ARID1B: variants seen among roughly 807,000 people sequenced by gnomAD.
ARID1B encodes the protein AT-rich interactive domain-containing protein 1B.
In ARID1B, 30 loss-of-function variants were observed where a neutral mutation model predicts 212.3. The observed-to-expected ratio is 0.14, with a 90% CI of 0.11 to 0.19. The LOEUF is 0.19. ARID1B is among the 10% of genes least tolerant of loss of function. The pLI, the probability that ARID1B is intolerant of heterozygous loss-of-function variation, is 1.00. For synonymous variants in ARID1B, 1,402 were observed against 1,301.7 expected (o/e 1.08, Z -1.66); for missense variants, 2,891 against 3,204.0 (o/e 0.90, Z 2.36).
intron 4 of ARID1B, among the ~76,000 whole-genome samples, chr6:157,039,416 C>T (rs1029662432): frequency 1.4e-5 from 2 of 145,144 alleles, no homozygotes; most frequent in Non-Finnish European, 3.0e-5. Context: ...CTGCAAGCTC[C>T]GCTTCCCGGG....
chr6:156,874,410 C>G (rs544040910), intron 2 of ARID1B, among the ~76,000 whole-genome samples: 1 of 152,294 alleles, frequency 6.6e-6, no homozygotes, highest in Admixed American at 6.5e-5. Context: ...CCCTGACTCT[C>G]CTGATTCCCC....
At chr6:156,956,566 C>T (rs1041561187) in intron 4 of ARID1B, among the ~76,000 whole-genome samples, 1 of 152,094 alleles carries the variant, frequency 6.6e-6, no homozygotes, top group African/African-American at 2.4e-5. Flanking sequence ...GCAGTTTCAG[C>T]TTGAGTTTGG....
chr6:156,990,240 C>G (rs1299693872), intron 4 of ARID1B, among the ~76,000 whole-genome samples: 2 of 149,304 alleles, frequency 1.3e-5, no homozygotes, highest in Non-Finnish European at 3.0e-5. Flanking sequence ...GTGGCAGCAT[C>G]ATAGCTCACT....
At chr6:156,971,923 T>C (rs577432013) in intron 4 of ARID1B, among the ~76,000 whole-genome samples, 1 of 152,296 alleles carries the variant, frequency 6.6e-6, no homozygotes, top group African/African-American at 2.4e-5. Context: ...GTAGGATTGC[T>C]ATCCCAACAC....
intron 4 of ARID1B, among the ~76,000 whole-genome samples, chr6:157,025,381 TG>T (rs1780594058): frequency 6.6e-6 from 1 of 152,232 alleles, no homozygotes; most frequent in African/African-American, 2.4e-5. Flanking sequence ...TGCATAACAA[TG>T]ATGTGTAAGG....
intron 15 of ARID1B, chr6:157,195,852 G>A: frequency 3.3e-6 from 1 of 305,502 alleles, no homozygotes; most frequent in Non-Finnish European, 6.2e-6. Flanking sequence ...CCTGAGGTCA[G>A]GAGTTCAAGA....
intron 1 of ARID1B, among the ~76,000 whole-genome samples, chr6:156,812,747 T>C (rs926477363): frequency 1.3e-5 from 2 of 151,986 alleles, no homozygotes; most frequent in African/African-American, 4.8e-5. Context: ...CTTCCACCTT[T>C]CAGTATCTCC....
intron 13 of ARID1B, among the ~76,000 whole-genome samples, chr6:157,187,736 AT>A (rs34547253): frequency 0.071 from 9,748 of 138,258 alleles, 775 homozygotes; most frequent in African/African-American, 0.2. Flanking sequence ...GGTTGCATTC[AT>A]TTTTTTTTTT....
chr6:156,987,394 G>A lies in ARID1B; in HGVS notation c.2247+51818G>A, dbSNP rs182873688. Among the ~76,000 whole-genome samples, 519 of 150,812 alleles carry A rather than the reference G, an allele frequency of 3.4e-3. 2 individuals are homozygous for A. Among genetic ancestry groups the A allele is most frequent in the African/African-American group, 0.012 (499 of 41,010 alleles). ...CTCCCAGGCTGGAGTGCAGTGGCAC[G>A]ATGTCCGCTCACTGCAAGCTCTGCC... On this transcript the variant is annotated intron_variant, in intron 4 of 19. Coordinates refer to ENST00000636930, the MANE Select transcript of ARID1B (RefSeq NM_001374828.1).
intron 3 of ARID1B, among the ~76,000 whole-genome samples, chr6:156,911,435 C>T (rs1166772798): frequency 7.1e-6 from 1 of 141,292 alleles, no homozygotes; most frequent in Non-Finnish European, 1.5e-5. Context: ...TCTTTTCCAT[C>T]AGTCACTCTT....
At chr6:156,897,258 CTTCTTCTTATTA>C (rs1276072733) in intron 2 of ARID1B, among the ~76,000 whole-genome samples, 15 of 87,178 alleles carry the variant, frequency 1.7e-4, no homozygotes, top group Non-Finnish European at 3.4e-4. Context: ...TCTTCTTCTT[CTTCTTCTTATTA>C]TTATTATTAT....
chr6:156,986,638 G>A (rs543770290), intron 4 of ARID1B, among the ~76,000 whole-genome samples: 1 of 152,296 alleles, frequency 6.6e-6, no homozygotes, highest in South Asian at 2.1e-4. Flanking sequence ...CCGGCTCATA[G>A]TAATTACTCA....
chr6:156,820,917 A>G (rs1484221977), intron 1 of ARID1B, among the ~76,000 whole-genome samples: 1 of 152,210 alleles, frequency 6.6e-6, no homozygotes, highest in Non-Finnish European at 1.5e-5. Flanking sequence ...CTGCTTCCAG[A>G]ACGCTGATGC....
chr6:157,135,591 C>T (rs1253039435), intron 7 of ARID1B, among the ~76,000 whole-genome samples: 1 of 152,172 alleles, frequency 6.6e-6, no homozygotes, highest in Admixed American at 6.5e-5. Flanking sequence ...CAGCTCGGAG[C>T]GCTGTGTGCT....
chr6:156,929,292 A>G (rs1036715348), intron 3 of ARID1B, among the ~76,000 whole-genome samples: 6 of 152,194 alleles, frequency 3.9e-5, no homozygotes, highest in African/African-American at 1.4e-4. Flanking sequence ...ATGGATTTAT[A>G]TCGCTTTCCT....
At chr6:156,950,144 C>T (rs1793469679) in intron 4 of ARID1B, among the ~76,000 whole-genome samples, 1 of 152,192 alleles carries the variant, frequency 6.6e-6, no homozygotes. Context: ...GTTCACCCTC[C>T]CTTGCTCATT....
chr6:157,057,547 C>T (rs1045131053), intron 4 of ARID1B, among the ~76,000 whole-genome samples: 3 of 152,152 alleles, frequency 2.0e-5, no homozygotes, highest in African/African-American at 7.2e-5. Flanking sequence ...CCTCAGCCTC[C>T]CAAGTAGCTG....
chr6:157,005,185 G>A (rs896133319), intron 4 of ARID1B, among the ~76,000 whole-genome samples: 7 of 151,194 alleles, frequency 4.6e-5, no homozygotes, highest in South Asian at 2.1e-4. Context: ...ATGGAGTCTC[G>A]CTCTGTCGCC....
At chr6:157,052,836 C>T (rs890026634) in intron 4 of ARID1B, among the ~76,000 whole-genome samples, 6 of 152,054 alleles carry the variant, frequency 3.9e-5, no homozygotes, top group African/African-American at 1.4e-4. Context: ...TCTCCTGCCT[C>T]GGCCTCCCGA....
Sources: gnomAD v4.1 joint callset for allele counts (sites outside exome capture counted in the v4.1 genomes callset) on GRCh38, gnomAD v4.1.1 for gene constraint, MANE v1.5 for transcripts, NCBI Gene and HGNC (gene_info 2026-07-23, HGNC 2026-07-21) for gene names.